The following ZNF318 variants were observed in gnomAD, a reference collection of about 807,000 sequenced individuals.
The protein encoded by ZNF318 is endocrine regulator.
In ZNF318, 51 loss-of-function variants were observed where a neutral mutation model predicts 124.2. The observed-to-expected ratio is 0.41, with a 90% CI of 0.33 to 0.52. ZNF318 has a LOEUF of 0.52. ZNF318 is among the 20% of genes least tolerant of loss of function. The probability of loss-of-function intolerance (pLI) is 0.23; values close to 1 mark genes in which losing one functional copy is unlikely to be tolerated. For synonymous variants in ZNF318, 1,090 were observed against 1,040.7 expected (o/e 1.05, Z -0.91); for missense variants, 2,815 against 2,811.2 (o/e 1.00, Z -0.03).
chr6:43,357,194 A>T lies in ZNF318; in HGVS notation c.1120T>A (p.Ser374Thr), dbSNP rs773617956. 6.2e-7 allele frequency: 1 copy of T among 1,614,012 alleles called. No individual in the cohort carries two copies. Among genetic ancestry groups the T allele is most frequent in the Non-Finnish European group, 8.5e-7 (1 of 1,180,032 alleles). ...GYSLHRPEEVSVMPKKSILKK... is the reference protein window; with the variant it reads ...GYSLHRPEEVTVMPKKSILKK... ...AAAATGGATTTCTTGGGCATCACAG[A>T]TACTTCCTCAGGCCGATGCAAAGAA... Residue 374 changes from serine (S) to threonine (T), a missense_variant, in exon 3 of 10, where the codon TCT becomes ACT. By Grantham distance (58) the Ser-to-Thr change is moderately conservative. Transcript: ENST00000361428.
intron 2 of ZNF318, among the ~76,000 whole-genome samples, chr6:43,361,684 G>A (rs761342150): frequency 6.6e-6 from 1 of 152,206 alleles, no homozygotes; most frequent in African/African-American, 2.4e-5. Flanking sequence ...GAAGCCAAGT[G>A]TTTTAGAATT....
chr6:43,348,536 T>C lies in ZNF318; in HGVS notation c.2860A>G (p.Lys954Glu). 6.2e-7 allele frequency: 1 copy of C among 1,614,194 alleles called. No homozygotes were observed. The highest frequency in any genetic ancestry group is 8.5e-7 in the Non-Finnish European group (1 of 1,180,034). ...TCTTGCCGTAGCTCTGCAATGTCCT[T>C]CATAATGTTATCCTGAAGCCGACTC... is the stretch of plus-strand genomic sequence containing the variant. ...EVSRLQDNIM[K>E]DIAELRQEAE... is the part of the protein sequence containing the mutation. The change falls in exon 6 of 10, where the codon AAG becomes GAG. Residue 954 changes from lysine to glutamate, a missense_variant. By Grantham distance (56) the Lys-to-Glu change is moderately conservative (BLOSUM62 1). Transcript: ENST00000361428.
Position 43,338,316 on chromosome 6 carries a change from A to C in ZNF318, c.5682T>G (p.Leu1894=), listed in dbSNP as rs1562127511. 4.3e-6 allele frequency: 7 copies of C among 1,614,214 alleles called. No homozygotes were observed. The highest frequency in any genetic ancestry group is 5.9e-6 in the Non-Finnish European group (7 of 1,180,030). The change falls in exon 10 of 10, where the codon CTT becomes CTG. Residue 1894 remains leucine (L), a synonymous_variant. Coordinates refer to ENST00000361428, the MANE Select transcript of ZNF318 (RefSeq NM_014345.3). ...PVKISAPELL[L]HSPARSAMCL... The stretch of plus-strand genomic sequence containing the variant: ...ACATAGCTGATCTGGCTGGGGAATG[A>C]AGCAGCAACTCTGGGGCAGAAATTT...
At chr6:43,364,296 G>T in intron 2 of ZNF318, 52 of 301,952 alleles carry the variant, frequency 1.7e-4, no homozygotes, top group East Asian at 2.4e-4. Flanking sequence ...ACAACATAGG[G>T]TTTTTATACA....
chr6:43,366,535 G>A (rs1176745112), intron 1 of ZNF318, among the ~76,000 whole-genome samples: 2 of 152,168 alleles, frequency 1.3e-5, no homozygotes. Flanking sequence ...GGTAGCTTAT[G>A]CCTGTAAGCC....
intron 7 of ZNF318, among the ~76,000 whole-genome samples, 184 bp from the exon 8 acceptor site, chr6:43,342,395 G>T (rs921567043): frequency 4.3e-5 from 6 of 139,254 alleles, no homozygotes; most frequent in Middle Eastern, 3.6e-3. Context: ...GTTAGAGCAA[G>T]TACCAGAAAA....
chr6:43,355,227 A>G lies in ZNF318; in HGVS notation c.2107T>C (p.Tyr703His). ...GGAGGGCTGTTTTTTGTGAGCAGGT[A>G]AGGATCCACAGGAGAAGGTGGGTGT... The part of the protein sequence containing the change: ...HPHPPSPVDP[Y>H]LLTKNSPPFL... Residue 703 changes from tyrosine to histidine, a missense_variant, in exon 4 of 10, where the codon TAC (tyrosine) becomes CAC (histidine). Around this residue, in one of 4 missense-constraint regions of ZNF318, gnomAD observed 1,377 missense variants for 1,353.5 expected, o/e 1.02. Coordinates refer to ENST00000361428, the MANE Select transcript of ZNF318 (RefSeq NM_014345.3). 6.2e-7 allele frequency: 1 copy of G among 1,614,204 alleles called. No individual in the cohort carries two copies. The highest frequency in any genetic ancestry group is 1.1e-5 in the South Asian group (1 of 91,086).
intron 4 of ZNF318, among the ~76,000 whole-genome samples, chr6:43,354,153 G>T (rs920716485): frequency 6.6e-6 from 1 of 152,082 alleles, no homozygotes; most frequent in African/African-American, 2.4e-5. Flanking sequence ...TGTCAAAAAT[G>T]TTACTGTTAC....
chr6:43,354,640 A>G, intron 4 of ZNF318, 24 bp downstream of exon 4: 1 of 1,553,172 alleles, frequency 6.4e-7, no homozygotes, highest in Non-Finnish European at 8.7e-7. Flanking sequence ...ACTCAGGCAC[A>G]GGATACCCAA....
Position 43,339,890 on chromosome 6 carries a change from G to C in ZNF318, c.4108C>G (p.Pro1370Ala). ...RKSCSATMSK[P>A]APLNTFLSIK... ...GACAGAAAGGTGTTAAGAGGAGCTG[G>C]CTTGCTCATTGTGGCTGAACATGAC... is the stretch of plus-strand genomic sequence containing the variant. Residue 1370 changes from proline (P) to alanine (A), a missense_variant, in exon 10 of 10, where the codon CCA becomes GCA. This residue lies in a region of ZNF318 where 500 missense variants were observed against 605.2 expected (regional missense o/e 0.83). Transcript: ENST00000361428. The surrounding 1 kb of genome is among the most constrained non-coding windows in gnomAD (Gnocchi z 4.2). 6.2e-7 allele frequency: 1 copy of C among 1,614,180 alleles called. No individual in the cohort carries two copies. Among genetic ancestry groups the C allele is most frequent in the Non-Finnish European group, 8.5e-7 (1 of 1,180,028 alleles).
chr6:43,348,004 C>T (rs763558030), intron 6 of ZNF318, among the ~76,000 whole-genome samples: 13 of 152,122 alleles, frequency 8.5e-5, no homozygotes, highest in Non-Finnish European at 1.6e-4. Context: ...TAGACATGAA[C>T]ATAGTTGCTA....
Position 43,338,979 on chromosome 6 carries a change from G to A in ZNF318, c.5019C>T (p.Phe1673=), listed in dbSNP as rs889318176. ...GGCACAACCTTGTCAGAGGCTGTAGGAAGCCATAGGTGCTGCCTGTGCTTT... is the reference window on the plus strand; with the variant it reads ...GGCACAACCTTGTCAGAGGCTGTAGAAAGCCATAGGTGCTGCCTGTGCTTT... ...GPKSTGSTYG[F]LQPLTRLCQS... is the part of the protein sequence containing the mutation. The change falls in exon 10 of 10, where the codon TTC becomes TTT. Residue 1673 remains phenylalanine, a synonymous_variant. Transcript: ENST00000361428. 3 of 1,614,204 alleles carry A rather than the reference G, an allele frequency of 1.9e-6. No individual in the cohort carries two copies. The highest frequency in any genetic ancestry group is 2.5e-6 in the Non-Finnish European group (3 of 1,180,026).
At chr6:43,351,816 G>C (rs1317705804) in intron 5 of ZNF318, among the ~76,000 whole-genome samples, 2 of 151,762 alleles carry the variant, frequency 1.3e-5, no homozygotes, top group African/African-American at 4.8e-5. Context: ...CAAATTGAGA[G>C]AGAGAAAAAG....
Position 43,369,566 on chromosome 6 carries a change from G to T in ZNF318, c.-201C>A. 1 of 174,996 alleles carries T rather than the reference G, an allele frequency of 5.7e-6. No homozygotes were observed. The highest frequency in any genetic ancestry group is 1.1e-5 in the Non-Finnish European group (1 of 89,590). 10.8% of individuals were successfully genotyped at this position (174,996 alleles called of 1,614,324 possible). On this transcript the variant is annotated 5_prime_UTR_variant, in exon 1 of 10. Transcript: ENST00000361428. ...CGCCCCCGCGGCTGGCGGTTGGAGG[G>T]CGCGAGCACGCGTCCGACACACCCC...
Position 43,336,157 on chromosome 6 carries a change from T to G in ZNF318, c.*1001A>C, listed in dbSNP as rs911302464. On this transcript the variant is annotated 3_prime_UTR_variant, in exon 10 of 10. Coordinates refer to ENST00000361428, the MANE Select transcript of ZNF318 (RefSeq NM_014345.3). ...CCAACTCATAAATTCTTTAATCTTT[T>G]TAACAAAATATACAACCCCAAACAT... 6.6e-6 allele frequency: 1 copy of G among 152,646 alleles called. No individual in the cohort carries two copies. Among genetic ancestry groups the G allele is most frequent in the African/African-American group, 2.4e-5 (1 of 41,446 alleles). 9.5% of individuals were successfully genotyped at this position (152,646 alleles called of 1,614,324 possible).
chr6:43,343,055 C>T (rs1378358608), intron 6 of ZNF318, among the ~76,000 whole-genome samples, 176 bp from the exon 7 acceptor site: 1 of 152,140 alleles, frequency 6.6e-6, no homozygotes, highest in African/African-American at 2.4e-5. Flanking sequence ...AGACATAGAA[C>T]TATTTGACTT....
intron 9 of ZNF318, 76 bp downstream of exon 9, chr6:43,340,714 T>G: frequency 1.3e-6 from 2 of 1,538,200 alleles, no homozygotes; most frequent in Non-Finnish European, 1.8e-6. Flanking sequence ...TTTTTCTGGC[T>G]CGGACGCCAT....
At chr6:43,344,759 T>C (rs1779414988) in intron 6 of ZNF318, among the ~76,000 whole-genome samples, 1 of 152,212 alleles carries the variant, frequency 6.6e-6, no homozygotes, top group Non-Finnish European at 1.5e-5. Context: ...TGACACTTTA[T>C]TGGTGACCAA....
chr6:43,358,413 A>ATT (rs1491254096), intron 2 of ZNF318, among the ~76,000 whole-genome samples: 28 of 35,110 alleles, frequency 8.0e-4, no homozygotes, highest in African/African-American at 1.9e-3. Flanking sequence ...ACACCCGGCT[A>ATT]ATTTTTTTTT....
Sources: allele counts gnomAD v4.1 joint callset (sites outside exome capture counted in the v4.1 genomes callset), GRCh38; gene constraint gnomAD v4.1.1; regional missense constraint gnomAD v4.1.1; non-coding constraint Gnocchi (gnomAD v3.1); transcripts MANE v1.5; gene names NCBI Gene and HGNC (gene_info 2026-07-23, HGNC 2026-07-21).